The following SLAIN1 variants were observed in gnomAD, a reference collection of about 807,000 sequenced individuals.
SLAIN1 encodes SLAIN family member 1, also known as SLAIN motif-containing protein 1.
In SLAIN1, 17 loss-of-function variants were observed where a neutral mutation model predicts 55.4. That is an observed-to-expected ratio of 0.31 (90% CI 0.21 to 0.46). The LOEUF is 0.46. Among genes scored for constraint, SLAIN1 ranks in the 20% least tolerant of loss-of-function variants. SLAIN1 has a pLI of 1.00. For synonymous variants in SLAIN1, 348 were observed against 337.4 expected (o/e 1.03, Z -0.35); for missense variants, 682 against 785.1 (o/e 0.87, Z 1.57).
At chr13:77,717,358 C>A (rs548073809) in intron 1 of SLAIN1, among the ~76,000 whole-genome samples, 113 of 152,228 alleles carry the variant, frequency 7.4e-4, no homozygotes, top group Middle Eastern at 3.4e-3. Context: ...ATTCCCTCCT[C>A]TTCTGTTTTT....
At chr13:77,706,278 T>A (rs1397575933) in intron 1 of SLAIN1, among the ~76,000 whole-genome samples, 1 of 152,156 alleles carries the variant, frequency 6.6e-6, no homozygotes, top group Non-Finnish European at 1.5e-5. Flanking sequence ...TCTTTTATAT[T>A]TAATGTCTGC....
At chr13:77,734,985 A>G (rs1207006130) in intron 2 of SLAIN1, among the ~76,000 whole-genome samples, 1 of 152,078 alleles carries the variant, frequency 6.6e-6, no homozygotes, top group African/African-American at 2.4e-5. Flanking sequence ...GTGCCACTGC[A>G]CTCCAGCCTG....
chr13:77,741,336 T>TA (rs1873422438), intron 2 of SLAIN1: 1 of 987,426 alleles, frequency 1.0e-6, no homozygotes, highest in Non-Finnish European at 1.2e-6. Flanking sequence ...TATTAACCCC[T>TA]AGTTTGTAGT....
At chr13:77,720,990 G>A (rs531122749) in intron 2 of SLAIN1, among the ~76,000 whole-genome samples, 1 of 152,206 alleles carries the variant, frequency 6.6e-6, no homozygotes, top group South Asian at 2.1e-4. Flanking sequence ...TCTCAGAGTC[G>A]GAGGCTGTAG....
intron 1 of SLAIN1, among the ~76,000 whole-genome samples, chr13:77,700,972 A>G (rs2091024873): frequency 1.3e-5 from 2 of 152,316 alleles, no homozygotes; most frequent in East Asian, 1.9e-4. Flanking sequence ...AAGATAAAAA[A>G]ATATAATTAC....
chr13:77,749,815 G>A (rs1308131534), intron 4 of SLAIN1, among the ~76,000 whole-genome samples: 1 of 152,142 alleles, frequency 6.6e-6, no homozygotes, highest in East Asian at 1.9e-4. Context: ...GGGGAATAGT[G>A]TCCTAAATAT....
Position 77,698,684 on chromosome 13 carries a change from G to T in SLAIN1, c.626+145G>T. 1 of 1,250,572 alleles carries T rather than the reference G, an allele frequency of 8.0e-7. No individual in the cohort carries two copies. The highest frequency in any genetic ancestry group is 1.0e-6 in the Non-Finnish European group (1 of 965,890). The allele number at this position is 1,250,572 out of a possible 1,614,324, so 77.5% of individuals were successfully genotyped here. A position where few individuals can be genotyped will look rare whatever the true frequency, so the allele number is the denominator to read the frequency against. ...TCCCGGAGGGGCCGACCCAGCAGGT[G>T]TTGAGCCAGGCGGTGACACTTCCCA... On this transcript the variant is annotated intron_variant, in intron 1 of 6. Coordinates refer to ENST00000418532, the MANE Select transcript of SLAIN1 (RefSeq NM_001242868.2). The surrounding 1 kb of genome is among the most constrained non-coding windows in gnomAD (Gnocchi z 4.1).
At chr13:77,701,459 G>T (rs1267500702) in intron 1 of SLAIN1, among the ~76,000 whole-genome samples, 1 of 152,040 alleles carries the variant, frequency 6.6e-6, no homozygotes, top group Non-Finnish European at 1.5e-5. Context: ...ATTAGTTAAT[G>T]ATTAACCAGG....
intron 1 of SLAIN1, among the ~76,000 whole-genome samples, chr13:77,706,104 TC>T (rs2091086931): frequency 6.6e-6 from 1 of 152,114 alleles, no homozygotes; most frequent in Admixed American, 6.6e-5. Flanking sequence ...CACATAGGCA[TC>T]ACTTTATACT....
intron 1 of SLAIN1, among the ~76,000 whole-genome samples, chr13:77,709,527 G>A (rs1349070717): frequency 6.6e-6 from 1 of 152,156 alleles, no homozygotes; most frequent in African/African-American, 2.4e-5. Context: ...ACCCACAAAG[G>A]GAAGCCCATT....
intron 1 of SLAIN1, among the ~76,000 whole-genome samples, chr13:77,719,313 A>G (rs1294211849): frequency 1.3e-5 from 2 of 151,918 alleles, no homozygotes; most frequent in African/African-American, 4.8e-5. Context: ...GTTAGGGGGA[A>G]AATTGTTAGA....
chr13:77,735,339 T>C (rs1279135186), intron 2 of SLAIN1, among the ~76,000 whole-genome samples: 1 of 152,136 alleles, frequency 6.6e-6, no homozygotes, highest in Non-Finnish European at 1.5e-5. Flanking sequence ...TTTATTACAA[T>C]ATGTTATGGA....
intron 2 of SLAIN1, 56 bp from the exon 3 acceptor site, chr13:77,744,227 C>A: frequency 8.2e-7 from 1 of 1,219,374 alleles, no homozygotes; most frequent in Non-Finnish European, 1.2e-6. Context: ...AATTGTGAAG[C>A]ATGTATAGAT....
intron 1 of SLAIN1, chr13:77,699,110 T>C: frequency 6.8e-7 from 1 of 1,474,516 alleles, no homozygotes; most frequent in Non-Finnish European, 9.1e-7. Context: ...GCGTTGCATT[T>C]TCATTGAAAT....
chr13:77,743,028 G>A (rs952329961), intron 2 of SLAIN1: 29 of 1,290,148 alleles, frequency 2.2e-5, no homozygotes, highest in East Asian at 5.9e-5. Context: ...AGCCGATGGC[G>A]GAGTCTCTTC....
intron 1 of SLAIN1, among the ~76,000 whole-genome samples, chr13:77,714,144 A>C (rs940385481): frequency 2.0e-5 from 3 of 152,102 alleles, no homozygotes; most frequent in Non-Finnish European, 4.4e-5. Flanking sequence ...CACCTTCTGC[A>C]CATATATCCC....
chr13:77,744,176 A>T (rs1873652458), intron 2 of SLAIN1, 107 bp from the exon 3 acceptor site: 4 of 841,384 alleles, frequency 4.8e-6, no homozygotes, highest in African/African-American at 1.7e-5. Flanking sequence ...TGATTTTTGT[A>T]ACATGAAAAC....
chr13:77,731,832 A>C (rs764762951), intron 2 of SLAIN1, among the ~76,000 whole-genome samples: 5 of 152,154 alleles, frequency 3.3e-5, no homozygotes, highest in Non-Finnish European at 7.4e-5. Flanking sequence ...AGATACCAAC[A>C]AGGCGATGAT....
At position 77,698,447 on chromosome 13, in the gene SLAIN1, G is replaced by A; in HGVS notation, c.534G>A (p.Ala178=). ...GGACGCCGCCAGGGGCAGCTGCAGC[G>A]CCGCCCTCGCCGCCCCCCACGCTGC... ...GAGTPPGAAA[A]PPSPPPTLLD... is the part of the protein sequence containing the mutation. Residue 178 remains alanine, a synonymous_variant, in exon 1 of 7, where the codon GCG becomes GCA. Coordinates refer to ENST00000418532, the MANE Select transcript of SLAIN1 (RefSeq NM_001242868.2). This position sits in a 1 kb window ranked among gnomAD's most constrained non-coding sequence, Gnocchi z 4.1. 2 of 1,437,658 alleles carry A rather than the reference G, an allele frequency of 1.4e-6. No individual in the cohort carries two copies. The highest frequency in any genetic ancestry group is 1.4e-5 in the South Asian group (1 of 71,608). 89.1% of individuals were successfully genotyped at this position (1,437,658 alleles called of 1,614,324 possible).
Sources: gnomAD v4.1 joint callset for allele counts (sites outside exome capture counted in the v4.1 genomes callset) on GRCh38, gnomAD v4.1.1 for gene constraint, Gnocchi (gnomAD v3.1) non-coding constraint, MANE v1.5 for transcripts, NCBI Gene and HGNC (gene_info 2026-07-23, HGNC 2026-07-21) for gene names.